The following MRTFB variants were observed in gnomAD, a reference collection of about 807,000 sequenced individuals.
The protein encoded by MRTFB is myocardin-related transcription factor B.
A neutral mutation model predicts 104.2 loss-of-function variants in MRTFB; 29 were observed. The observed-to-expected ratio is 0.28, with a 90% CI of 0.21 to 0.38. The LOEUF (loss-of-function observed/expected upper bound fraction) is 0.38, where lower values mean the gene tolerates loss of function less well. MRTFB is among the 10% of genes least tolerant of loss of function. The pLI, the probability that MRTFB is intolerant of heterozygous loss-of-function variation, is 1.00. For synonymous variants in MRTFB, 535 were observed against 519.5 expected (o/e 1.03, Z -0.41); for missense variants, 1,270 against 1,341.6 (o/e 0.95, Z 0.83).
At chr16:14,104,775 A>G (rs1830373891) in intron 2 of MRTFB, among the ~76,000 whole-genome samples, 1 of 152,244 alleles carries the variant, frequency 6.6e-6, no homozygotes, top group African/African-American at 2.4e-5. Context: ...GGATGTAGGC[A>G]CCGCAGTCCA....
intron 10 of MRTFB, among the ~76,000 whole-genome samples, chr16:14,241,999 A>G (rs1276864561): frequency 1.5e-5 from 2 of 136,518 alleles, no homozygotes; most frequent in Non-Finnish European, 3.0e-5. Flanking sequence ...AATAATAATA[A>G]TAATAATAAT....
At chr16:14,051,331 A>C in the MRTFB span, among the ~76,000 whole-genome samples, 1 of 152,094 alleles carries the variant, frequency 6.6e-6, no homozygotes, top group South Asian at 2.1e-4. Context: ...ATAGACATTC[A>C]CAGACACACA....
chr16:14,250,206 A>C (rs2043197380), intron 13 of MRTFB, among the ~76,000 whole-genome samples: 1 of 152,242 alleles, frequency 6.6e-6, no homozygotes, highest in South Asian at 2.1e-4. Context: ...AATTTTTTCA[A>C]ATAGGAGTAT....
chr16:14,117,570 G>T (rs2036606988), intron 2 of MRTFB, among the ~76,000 whole-genome samples: 1 of 152,204 alleles, frequency 6.6e-6, no homozygotes, highest in Non-Finnish European at 1.5e-5. Flanking sequence ...TGTTTCTCCA[G>T]CTCCTGGCAC....
chr16:14,161,682 T>C (rs1453486745), intron 3 of MRTFB, among the ~76,000 whole-genome samples: 1 of 152,130 alleles, frequency 6.6e-6, no homozygotes, highest in African/African-American at 2.4e-5. Flanking sequence ...AATCTCAATA[T>C]ATATATTGAA....
intron 2 of MRTFB, among the ~76,000 whole-genome samples, chr16:14,110,666 C>T (rs1193677161): frequency 2.0e-5 from 3 of 152,168 alleles, no homozygotes; most frequent in African/African-American, 7.2e-5. Flanking sequence ...CACAGCATGC[C>T]ATCAGTCACC....
chr16:14,018,503 T>C, the MRTFB span, among the ~76,000 whole-genome samples: 2 of 152,244 alleles, frequency 1.3e-5, no homozygotes, highest in Admixed American at 1.3e-4. Context: ...AGATATATCT[T>C]CTGGACTACG....
chr16:14,069,305 C>G (rs2033556353), upstream of MRTFB, among the ~76,000 whole-genome samples: 1 of 149,420 alleles, frequency 6.7e-6, no homozygotes, highest in Admixed American at 6.7e-5. Flanking sequence ...GGACTCGCTC[C>G]AGTGGCTCCC....
chr16:14,200,569 G>A, intron 3 of MRTFB: 2 of 1,604,226 alleles, frequency 1.2e-6, no homozygotes, highest in Non-Finnish European at 1.7e-6. Context: ...TTATCTTGTT[G>A]TCATGTGACT....
the MRTFB span, among the ~76,000 whole-genome samples, chr16:14,031,391 C>CAA: frequency 4.9e-5 from 4 of 81,166 alleles, no homozygotes; most frequent in Admixed American, 1.4e-4. Context: ...GAGGCTGTCT[C>CAA]AAAAAAAAAA....
chr16:14,030,967 T>C, the MRTFB span, among the ~76,000 whole-genome samples: 13 of 152,318 alleles, frequency 8.5e-5, no homozygotes, highest in African/African-American at 2.9e-4. Flanking sequence ...TAGGTTGTCA[T>C]GATGGCCGAG....
the MRTFB span, among the ~76,000 whole-genome samples, chr16:14,019,914 A>G: frequency 1.6e-4 from 25 of 152,314 alleles, no homozygotes; most frequent in African/African-American, 5.1e-4. Flanking sequence ...GTGGAAGGAA[A>G]CATCAGTCTT....
chr16:14,210,158 G>A, intron 3 of MRTFB, 85 bp from the exon 4 acceptor site: 4 of 979,538 alleles, frequency 4.1e-6, no homozygotes, highest in East Asian at 5.0e-5. Context: ...GCTTGATAAA[G>A]CTTAATTGCA....
At chr16:14,056,873 A>G in the MRTFB span, among the ~76,000 whole-genome samples, 1 of 152,182 alleles carries the variant, frequency 6.6e-6, no homozygotes, top group African/African-American at 2.4e-5. Flanking sequence ...TCAATTCATC[A>G]TCACAGCACT....
chr16:13,996,902 G>C, the MRTFB span, among the ~76,000 whole-genome samples: 1 of 152,198 alleles, frequency 6.6e-6, no homozygotes, highest in Non-Finnish European at 1.5e-5. Flanking sequence ...TGATTGTCTT[G>C]AGGACTGTCA....
chr16:14,218,781 GCCAA>G, intron 7 of MRTFB, 35 bp from the exon 8 acceptor site: 1 of 1,545,952 alleles, frequency 6.5e-7, no homozygotes, highest in South Asian at 1.2e-5. Context: ...GTATTCCAAA[GCCAA>G]CATAAGTCAA....
At chr16:14,216,495 A>G (rs1308974137) in intron 6 of MRTFB, among the ~76,000 whole-genome samples, 1 of 152,210 alleles carries the variant, frequency 6.6e-6, no homozygotes, top group Admixed American at 6.5e-5. Flanking sequence ...TACCAATTTT[A>G]TGCATTTGTA....
At chr16:14,092,501 C>A (rs1567313155) in intron 2 of MRTFB, among the ~76,000 whole-genome samples, 1 of 152,110 alleles carries the variant, frequency 6.6e-6, no homozygotes, top group African/African-American at 2.4e-5. Flanking sequence ...ATTTTTATGT[C>A]CAGGTAATGA....
chr16:14,217,452 A>C (rs1251632128), intron 7 of MRTFB, among the ~76,000 whole-genome samples, 165 bp downstream of exon 7: 1 of 152,212 alleles, frequency 6.6e-6, no homozygotes, highest in Non-Finnish European at 1.5e-5. Context: ...TATGTATTAT[A>C]AGTCTAGTAT....
Sources: gnomAD v4.1 joint callset for allele counts (sites outside exome capture counted in the v4.1 genomes callset) on GRCh38, gnomAD v4.1.1 for gene constraint, MANE v1.5 for transcripts, NCBI Gene and HGNC (gene_info 2026-07-23, HGNC 2026-07-21) for gene names.